FRMD5: variants seen among roughly 807,000 people sequenced by gnomAD.
FRMD5 encodes the protein FERM domain containing 5.
A neutral mutation model predicts 69.0 loss-of-function variants in FRMD5; 20 were observed. The ratio of observed to expected loss-of-function variants is 0.29; its 90% CI spans 0.20 to 0.42. The LOEUF (loss-of-function observed/expected upper bound fraction) is 0.42, where lower values mean the gene tolerates loss of function less well. Ranked by LOEUF, FRMD5 falls within the 10% of genes least tolerant of loss-of-function variation. The pLI, the probability that FRMD5 is intolerant of heterozygous loss-of-function variation, is 1.00. For synonymous variants in FRMD5, 271 were observed against 260.1 expected, an observed-to-expected ratio of 1.04 and a Z score of -0.40; for missense variants, 595 against 708.6, an observed-to-expected ratio of 0.84 and a Z score of 1.82.
chr15:43,995,154 C>T (rs993729489), intron 1 of FRMD5, among the ~76,000 whole-genome samples: 1 of 152,202 alleles, frequency 6.6e-6, no homozygotes, highest in Non-Finnish European at 1.5e-5. Context: ...CATATAACAA[C>T]ATATGCATAT....
Position 43,995,045 on chromosome 15 carries a change from T to C in FRMD5, c.103-70736A>G, listed in dbSNP as rs373328527. Among the ~76,000 whole-genome samples, 9 of 152,316 alleles carry C rather than the reference T, an allele frequency of 5.9e-5. No homozygotes were observed. In the East Asian group the frequency reaches 1.7e-3, roughly 29 times the overall value. On this transcript the variant is annotated intron_variant, in intron 1 of 13. Transcript: ENST00000417257. ...TTCTCCTTTAGCACTTTGAATATAG[T>C]CATCCCTCAGCATCTGTGGGGAATT...
intron 1 of FRMD5, among the ~76,000 whole-genome samples, chr15:44,037,738 T>C (rs942190122): frequency 1.3e-5 from 2 of 152,030 alleles, no homozygotes; most frequent in East Asian, 1.9e-4. Flanking sequence ...CCTCCTAAAG[T>C]GTTGGGATTA....
chr15:44,106,074 TC>T (rs772233142), intron 1 of FRMD5, among the ~76,000 whole-genome samples: 23 of 152,200 alleles, frequency 1.5e-4, no homozygotes, highest in Non-Finnish European at 2.8e-4. Flanking sequence ...CTTGTTTTTT[TC>T]CTAAACATTT....
chr15:44,136,784 C>T (rs2706486), intron 1 of FRMD5, among the ~76,000 whole-genome samples: 124,162 of 152,088 alleles, frequency 0.82, 53,339 homozygotes, highest in Non-Finnish European at 0.94. Context: ...GTTTTACATA[C>T]CAAGGAACAA....
At chr15:44,013,318 A>G (rs1179600707) in intron 1 of FRMD5, among the ~76,000 whole-genome samples, 3 of 152,210 alleles carry the variant, frequency 2.0e-5, no homozygotes, top group African/African-American at 7.2e-5. Flanking sequence ...ACTTGAGCCC[A>G]GGAGTTTGAG....
rs576450425 is a variant in FRMD5 at position 43,899,196 on chromosome 15, A to G, written c.639+2979T>C. On this transcript the variant is annotated intron_variant, in intron 7 of 13. Transcript: ENST00000417257. ...CATTAAGGCGAGCACTTGATAGCAT[A>G]TCACTAAAGTGACTCCACTTAATAA... Among the ~76,000 whole-genome samples the G allele has an allele frequency of 1.6e-3, 246 of 152,326 alleles. 1 individual carries two copies. The highest frequency in any genetic ancestry group is 2.8e-3 in the Non-Finnish European group (190 of 68,020).
At chr15:44,196,862 T>G (rs1263369069), upstream of FRMD5, among the ~76,000 whole-genome samples, 1 of 151,874 alleles carries the variant, frequency 6.6e-6, no homozygotes, top group Non-Finnish European at 1.5e-5. Flanking sequence ...TTTGTGGCAT[T>G]TAATAGCCAT....
At chr15:44,011,199 T>TCTCCCTCCCTTTCTTCCTCC (rs1890703718) in intron 1 of FRMD5, among the ~76,000 whole-genome samples, 2 of 152,144 alleles carry the variant, frequency 1.3e-5, no homozygotes. Context: ...TTTCTTCCTC[T>TCTCCCTCCCTTTCTTCCTCC]CTCCCTCCCT....
upstream of FRMD5, chr15:44,195,313 G>C: frequency 4.0e-6 from 2 of 505,814 alleles, no homozygotes; most frequent in South Asian, 5.1e-5. Flanking sequence ...CTCGCGGGGC[G>C]GGGCCTCAAC....
At chr15:44,168,770 G>A (rs1265995882) in intron 1 of FRMD5, among the ~76,000 whole-genome samples, 2 of 152,138 alleles carry the variant, frequency 1.3e-5, no homozygotes, top group East Asian at 3.8e-4. Context: ...TCCAGATTTT[G>A]TTTATTTCAT....
At chr15:43,943,937 T>TA (rs2089903091) in intron 1 of FRMD5, among the ~76,000 whole-genome samples, 1 of 152,204 alleles carries the variant, frequency 6.6e-6, no homozygotes, top group Non-Finnish European at 1.5e-5. Flanking sequence ...AGTCTTTCCT[T>TA]ACCAAATCTG....
intron 1 of FRMD5, among the ~76,000 whole-genome samples, chr15:43,979,493 C>T (rs1036633382): frequency 2.0e-5 from 3 of 152,152 alleles, no homozygotes; most frequent in South Asian, 2.1e-4. Context: ...GACTTGAACT[C>T]GGTCTTATAA....
intron 1 of FRMD5, chr15:43,989,848 G>T: frequency 9.8e-7 from 1 of 1,016,600 alleles, no homozygotes; most frequent in Non-Finnish European, 1.5e-6. Flanking sequence ...GTTGGCCTTG[G>T]GGCTCAGGGG....
intron 1 of FRMD5, among the ~76,000 whole-genome samples, chr15:44,125,858 C>A (rs1213603144): frequency 3.9e-5 from 6 of 152,204 alleles, no homozygotes; most frequent in African/African-American, 1.4e-4. Context: ...GACTCTGCTA[C>A]CCTGCCACCA....
intron 1 of FRMD5, among the ~76,000 whole-genome samples, chr15:44,069,929 A>G (rs1229884179): frequency 6.6e-6 from 1 of 152,212 alleles, no homozygotes; most frequent in African/African-American, 2.4e-5. Context: ...AGACAAATCA[A>G]AATCTGGCAT....
intron 1 of FRMD5, among the ~76,000 whole-genome samples, chr15:44,174,883 A>G (rs1052958486): frequency 6.6e-6 from 1 of 152,086 alleles, no homozygotes; most frequent in African/African-American, 2.4e-5. Flanking sequence ...GGGAGGGAAC[A>G]TCACACACCG....
intron 9 of FRMD5, among the ~76,000 whole-genome samples, chr15:43,888,539 A>C (rs1416105953): frequency 6.6e-6 from 1 of 152,220 alleles, no homozygotes; most frequent in South Asian, 2.1e-4. Flanking sequence ...TGGAATTCCC[A>C]TATACACGAA....
intron 1 of FRMD5, among the ~76,000 whole-genome samples, chr15:44,176,068 G>C (rs893203370): frequency 6.6e-6 from 1 of 152,002 alleles, no homozygotes; most frequent in African/African-American, 2.4e-5. Context: ...AATAAACCAA[G>C]AATAGCCAAA....
chr15:44,112,476 T>C (rs967312123), intron 1 of FRMD5, among the ~76,000 whole-genome samples: 2 of 151,518 alleles, frequency 1.3e-5, no homozygotes, highest in South Asian at 4.2e-4. Flanking sequence ...CTGATTTTTT[T>C]TTTTTTTTTA....
Sources: allele counts gnomAD v4.1 joint callset (sites outside exome capture counted in the v4.1 genomes callset), GRCh38; gene constraint gnomAD v4.1.1; transcripts MANE v1.5; gene names NCBI Gene and HGNC (gene_info 2026-07-23, HGNC 2026-07-21).